Variants in SHTN1 observed in about 807,000 individuals in gnomAD.
The protein encoded by SHTN1 is shootin-1.
In SHTN1, 42 loss-of-function variants were observed where a neutral mutation model predicts 83.1. The ratio of observed to expected loss-of-function variants is 0.51; its 90% CI spans 0.39 to 0.65. SHTN1 has a LOEUF of 0.65. SHTN1 is among the 30% of genes least tolerant of loss of function. The pLI, the probability that SHTN1 is intolerant of heterozygous loss-of-function variation, is 0.00. For missense variants in SHTN1, 622 were observed against 737.8 expected (o/e 0.84, Z 1.82); for synonymous variants, 224 against 247.7 (o/e 0.90, Z 0.90).
intron 7 of SHTN1, 90 bp downstream of exon 7, chr10:116,948,826 T>C (rs1849677362): frequency 2.5e-6 from 2 of 812,910 alleles, no homozygotes; most frequent in African/African-American, 3.6e-5. Context: ...TTTACAGTCA[T>C]ATTTAGGCAC....
chr10:116,985,196 CAT>C (rs1369492593), intron 1 of SHTN1, among the ~76,000 whole-genome samples: 3 of 152,150 alleles, frequency 2.0e-5, no homozygotes, highest in Non-Finnish European at 4.4e-5. Context: ...GTCTTATACT[CAT>C]ATGAATACCA....
chr10:116,974,360 T>A (rs1421338683), intron 2 of SHTN1, among the ~76,000 whole-genome samples: 2 of 152,256 alleles, frequency 1.3e-5, no homozygotes, highest in Non-Finnish European at 2.9e-5. Context: ...GTTAGCATAA[T>A]GGATGCATAT....
At chr10:117,024,650 G>A (rs923530332) in intron 2 of SHTN1, among the ~76,000 whole-genome samples, 20 of 151,996 alleles carry the variant, frequency 1.3e-4, no homozygotes, top group Admixed American at 5.9e-4. Context: ...GAGCCACCGC[G>A]CCCGGCCTAC....
intron 3 of SHTN1, among the ~76,000 whole-genome samples, chr10:116,963,216 C>G (rs970412237): frequency 2.0e-5 from 3 of 149,662 alleles, no homozygotes; most frequent in South Asian, 4.3e-4. Context: ...GGACTACAGG[C>G]GCCCGCCATC....
At chr10:117,029,096 C>G (rs757240614) in intron 2 of SHTN1, among the ~76,000 whole-genome samples, 8 of 152,180 alleles carry the variant, frequency 5.3e-5, no homozygotes, top group Non-Finnish European at 1.0e-4. Context: ...CTTGGGAGTC[C>G]ACCTCTTATA....
Position 116,885,207 on chromosome 10 carries a change from C to A in SHTN1, c.*1137G>T, listed in dbSNP as rs942276405. On this transcript the variant is annotated 3_prime_UTR_variant, in exon 17 of 17. Coordinates refer to ENST00000355371, the MANE Select transcript of SHTN1 (RefSeq NM_001127211.3). ...AAACACCTGACAGCTACATGCTGAG[C>A]CATGCTAACAAAACTAAACCTTTCA... The A allele has an allele frequency of 1.3e-5, 2 of 152,526 alleles. No individual in the cohort carries two copies. The highest frequency in any genetic ancestry group is 2.4e-5 in the African/African-American group (1 of 41,426). The allele number at this position is 152,526 out of a possible 1,614,324, so 9.4% of individuals were successfully genotyped here.
At chr10:117,101,775 C>A (rs1853597837) in intron 1 of SHTN1, among the ~76,000 whole-genome samples, 1 of 152,026 alleles carries the variant, frequency 6.6e-6, no homozygotes, top group Admixed American at 6.6e-5. Flanking sequence ...AACTGTATTC[C>A]AGATACTATA....
At chr10:117,033,250 T>A (rs929413656) in intron 2 of SHTN1, among the ~76,000 whole-genome samples, 2 of 151,312 alleles carry the variant, frequency 1.3e-5, no homozygotes, top group Non-Finnish European at 3.0e-5. Context: ...AAACAAAAAG[T>A]TTTTTTTTAA....
At chr10:116,888,416 G>C (rs553615492) in intron 16 of SHTN1, among the ~76,000 whole-genome samples, 1 of 152,196 alleles carries the variant, frequency 6.6e-6, no homozygotes, top group Non-Finnish European at 1.5e-5. Context: ...GGGAATGAGA[G>C]GCACTAGTCA....
intron 2 of SHTN1, among the ~76,000 whole-genome samples, chr10:117,036,450 C>G (rs1256241411): frequency 6.6e-6 from 1 of 152,186 alleles, no homozygotes; most frequent in Non-Finnish European, 1.5e-5. Flanking sequence ...GAGTACTATT[C>G]AGCCACAAAA....
chr10:116,962,403 AAAAG>A (rs1366351108), intron 3 of SHTN1, among the ~76,000 whole-genome samples: 1 of 152,176 alleles, frequency 6.6e-6, no homozygotes, highest in Non-Finnish European at 1.5e-5. Flanking sequence ...AAGGAAAGAG[AAAAG>A]AAACCTATAC....
chr10:116,979,927 A>G (rs1850954461), intron 1 of SHTN1, among the ~76,000 whole-genome samples: 4 of 152,180 alleles, frequency 2.6e-5, no homozygotes, highest in Admixed American at 6.5e-5. Context: ...AAGAACAACT[A>G]TTTTCAGACA....
At chr10:117,106,488 G>C (rs1209256262) in intron 1 of SHTN1, among the ~76,000 whole-genome samples, 1 of 152,052 alleles carries the variant, frequency 6.6e-6, no homozygotes, top group Non-Finnish European at 1.5e-5. Context: ...CAGCTCTAAT[G>C]ATGTCCTATG....
At chr10:116,933,379 C>T (rs1447713065) in intron 9 of SHTN1, among the ~76,000 whole-genome samples, 2 of 151,860 alleles carry the variant, frequency 1.3e-5, no homozygotes, top group Non-Finnish European at 2.9e-5. Flanking sequence ...CATGTGTTCT[C>T]ATTGTTCAAC....
At chr10:117,041,338 C>T (rs1274811229) in intron 2 of SHTN1, among the ~76,000 whole-genome samples, 1 of 152,020 alleles carries the variant, frequency 6.6e-6, no homozygotes, top group Non-Finnish European at 1.5e-5. Flanking sequence ...TAATGTGACT[C>T]CTCGAATTTA....
intron 4 of SHTN1, 39 bp from the exon 5 acceptor site, chr10:116,954,249 C>A: frequency 7.3e-7 from 1 of 1,365,106 alleles, no homozygotes; most frequent in Middle Eastern, 1.8e-4. Context: ...TAAAAGCAGC[C>A]AAATGAGTAT....
chr10:117,009,149 A>C (rs1266975237), upstream of SHTN1, among the ~76,000 whole-genome samples: 3 of 152,124 alleles, frequency 2.0e-5, no homozygotes, highest in African/African-American at 4.8e-5. Flanking sequence ...TATCAACCAA[A>C]TATGCACAAA....
chr10:117,056,162 T>C (rs1363564093), intron 1 of SHTN1, among the ~76,000 whole-genome samples: 1 of 152,156 alleles, frequency 6.6e-6, no homozygotes. Context: ...ACACAAATTT[T>C]ACACAATATT....
At chr10:117,099,153 C>A (rs898540562) in intron 1 of SHTN1, among the ~76,000 whole-genome samples, 7 of 152,066 alleles carry the variant, frequency 4.6e-5, no homozygotes, top group African/African-American at 1.4e-4. Flanking sequence ...TATGTTCTCA[C>A]TTATAAGTGG....
Sources: allele counts gnomAD v4.1 joint callset (sites outside exome capture counted in the v4.1 genomes callset), GRCh38; gene constraint gnomAD v4.1.1; transcripts MANE v1.5; gene names NCBI Gene and HGNC (gene_info 2026-07-23, HGNC 2026-07-21).